TNFRSF10A: variants seen among roughly 807,000 people sequenced by gnomAD.
TNFRSF10A encodes the protein TNF receptor superfamily member 10a.
TNFRSF10A carries 44 observed loss-of-function variants against 42.8 expected under a neutral mutation model. The observed-to-expected ratio is 1.03, with a 90% CI of 0.81 to 1.32. TNFRSF10A has a LOEUF of 1.32. Ranked by LOEUF, TNFRSF10A falls within the 40% of genes most tolerant of loss-of-function variation. TNFRSF10A has a pLI of 0.00. For missense variants in TNFRSF10A, 680 were observed against 602.0 expected, an observed-to-expected ratio of 1.13 and a Z score of -1.36; for synonymous variants, 259 against 234.2, an observed-to-expected ratio of 1.11 and a Z score of -0.97.
rs1052728467 is a variant in TNFRSF10A at position 23,195,361 on chromosome 8, A to G, written c.1087+1771T>C. On this transcript the variant is annotated intron_variant, in intron 9 of 9. Coordinates refer to ENST00000221132, the MANE Select transcript of TNFRSF10A (RefSeq NM_003844.4). ...AACTTTTTTCTTCTTTGCTATTTAT[A>G]GCCTTTAAGTATACTTTAAGTATAT... Among the ~76,000 whole-genome samples the G allele has an allele frequency of 4.6e-5, 7 of 152,256 alleles. No individual in the cohort carries two copies. The East Asian group carries it at 1.2e-3, about 25-fold the overall frequency.
intron 5 of TNFRSF10A, 35 bp from the exon 6 acceptor site, chr8:23,200,635 C>A (rs1258671747): frequency 1.9e-6 from 3 of 1,614,010 alleles, no homozygotes; most frequent in Non-Finnish European, 2.5e-6. Context: ...GAGTCTCGGG[C>A]TGCTGGTCCC....
rs899479252 is a variant in TNFRSF10A at position 23,220,471 on chromosome 8, C to T, written c.306+4285G>A. On this transcript the variant is annotated intron_variant, in intron 1 of 9. Transcript: ENST00000221132. ...GAGGCTGAAGACTGCCAGGGTTGGC[C>T]GTGCTCCTCTTCAGCTGTGACTCTG... 3.9e-5 allele frequency among the ~76,000 whole-genome samples: 6 copies of T among 152,336 alleles called. No individual in the cohort carries two copies. The East Asian group carries it at 5.8e-4, about 15-fold the overall frequency.
chr8:23,212,278 C>A, intron 1 of TNFRSF10A, 66 bp from the exon 2 acceptor site: 1 of 1,372,202 alleles, frequency 7.3e-7, no homozygotes, highest in South Asian at 1.2e-5. Flanking sequence ...AGATCAATCT[C>A]ACATTCCATT....
intron 2 of TNFRSF10A, among the ~76,000 whole-genome samples, chr8:23,204,387 T>A (rs577298283): frequency 1.7e-4 from 26 of 152,170 alleles, no homozygotes; most frequent in Non-Finnish European, 3.5e-4. Context: ...GAAAACTGCA[T>A]GGAAGAAATC....
intron 1 of TNFRSF10A, among the ~76,000 whole-genome samples, chr8:23,222,620 G>GA (rs1181563806): frequency 6.6e-6 from 1 of 152,220 alleles, no homozygotes; most frequent in African/African-American, 2.4e-5. Context: ...GGTGGGATGA[G>GA]AGGGTCCTGT....
intron 3 of TNFRSF10A, 37 bp from the exon 4 acceptor site, chr8:23,201,956 C>A (rs779266121): frequency 1.3e-6 from 2 of 1,587,760 alleles, no homozygotes; most frequent in Non-Finnish European, 1.7e-6. Context: ...AATGTGTTTC[C>A]CTGACGTGTC....
intron 2 of TNFRSF10A, 146 bp downstream of exon 2, chr8:23,211,970 T>C (rs1362317981): frequency 1.1e-5 from 7 of 655,316 alleles, no homozygotes; most frequent in East Asian, 1.0e-4. Context: ...ATCTGTTGAA[T>C]AGAAGAACCA....
At chr8:23,211,342 C>T (rs1801089353) in intron 2 of TNFRSF10A, among the ~76,000 whole-genome samples, 1 of 152,080 alleles carries the variant, frequency 6.6e-6, no homozygotes, top group Non-Finnish European at 1.5e-5. Flanking sequence ...ATAAGTTTAA[C>T]AAAATCAACC....
intron 2 of TNFRSF10A, among the ~76,000 whole-genome samples, chr8:23,204,697 A>T (rs948949223): frequency 3.9e-5 from 6 of 152,206 alleles, no homozygotes; most frequent in Non-Finnish European, 7.3e-5. Context: ...GAGATAATAC[A>T]AAATACACTC....
chr8:23,225,092 T>TTGG lies in TNFRSF10A; in HGVS notation c.-34_-32dup. 6.8e-7 allele frequency: 1 copy of TTGG among 1,480,384 alleles called. No homozygotes were observed. The highest frequency in any genetic ancestry group is 8.9e-7 in the Non-Finnish European group (1 of 1,117,704). 91.7% of individuals were successfully genotyped at this position (1,480,384 alleles called of 1,614,324 possible). ...CAGGTCAATCCAAGAAGCAGCGTGC[T>TTGG]TGGCTATGACAAGACAGAACTTCGC... On this transcript the variant is annotated 5_prime_UTR_variant, in exon 1 of 10. Transcript: ENST00000221132.
At chr8:23,195,400 G>A (rs918083263) in intron 9 of TNFRSF10A, among the ~76,000 whole-genome samples, 1 of 152,020 alleles carries the variant, frequency 6.6e-6, no homozygotes, top group Non-Finnish European at 1.5e-5. Context: ...GTATACTTTT[G>A]TAAACAGAAT....
rs183853683 is a variant in TNFRSF10A at position 23,207,402 on chromosome 8, T to C, written c.404-4641A>G. ...CCAGCTGGCTAATTCTAAATACATG[T>C]ATATGTTTTCACCAGAAAAACAAAG... On this transcript the variant is annotated intron_variant, in intron 2 of 9. Transcript: ENST00000221132. 9.5e-4 allele frequency: 500 copies of C among 529,092 alleles called. 4 individuals are homozygous for C. Among genetic ancestry groups the C allele is most frequent in the Non-Finnish European group, 3.4e-4 (92 of 274,226 alleles). 32.8% of individuals were successfully genotyped at this position (529,092 alleles called of 1,614,324 possible). A position where few individuals can be genotyped will look rare whatever the true frequency, so the allele number is the denominator to read the frequency against.
rs201183086 is a variant in TNFRSF10A at position 23,197,115 on chromosome 8, A to G, written c.1087+17T>C. 6.2e-7 allele frequency: 1 copy of G among 1,614,092 alleles called. No individual in the cohort carries two copies. The highest frequency in any genetic ancestry group is 8.5e-7 in the Non-Finnish European group (1 of 1,179,948). On this transcript the variant is annotated intron_variant, in intron 9 of 9. Coordinates refer to ENST00000221132, the MANE Select transcript of TNFRSF10A (RefSeq NM_003844.4). ...TTCCCACCATTTCTGCTGCATCTCCAGGAGCAAAACACTTACTCTCAGTGG... is the reference window on the plus strand; with the variant it reads ...TTCCCACCATTTCTGCTGCATCTCCGGGAGCAAAACACTTACTCTCAGTGG...
intron 1 of TNFRSF10A, among the ~76,000 whole-genome samples, chr8:23,218,119 G>A (rs1801209961): frequency 6.6e-6 from 1 of 152,158 alleles, no homozygotes; most frequent in Non-Finnish European, 1.5e-5. Flanking sequence ...TCAGTTCACA[G>A]ATTTGGGCTC....
At chr8:23,199,799 CG>C in intron 7 of TNFRSF10A, 86 bp downstream of exon 7, 1 of 1,588,402 alleles carries the variant, frequency 6.3e-7, no homozygotes, top group Non-Finnish European at 8.6e-7. Context: ...CATGAGAGCA[CG>C]GGGACCCACC....
In TNFRSF10A at chr8:23,202,754, A is replaced by AAG. The variant is rs1800951324; in HGVS notation, c.410_411insCT (p.Arg138LeufsTer106). 1 of 1,610,198 alleles carries AAG rather than the reference A, an allele frequency of 6.2e-7. No individual in the cohort carries two copies. The highest frequency in any genetic ancestry group is 1.1e-5 in the South Asian group (1 of 90,962). On this transcript the variant is annotated frameshift_variant, in exon 3 of 10. Transcript: ENST00000221132. LOFTEE classifies it high-confidence loss of function. ...TACAGGCTCCAGGATGTTCTGATCT[A>AAG]TGAGATCCTGGGAAGGGAGAGAAAA...
chr8:23,208,983 T>C (rs1330291716), intron 2 of TNFRSF10A, among the ~76,000 whole-genome samples: 1 of 152,170 alleles, frequency 6.6e-6, no homozygotes, highest in Admixed American at 6.5e-5. Context: ...CCCGAAGGCC[T>C]AGGAGAAAAT....
chr8:23,202,709 C>G lies in TNFRSF10A; in HGVS notation c.456G>C (p.Val152=). ...PGACNRCTEG[V]GYTNASNNLF... ...AATTGTTGGAAGCATTGGTGTAACC[C>G]ACACCCTCTGTGCACCGGTTACAGG... Residue 152 remains valine (V), a synonymous_variant, in exon 3 of 10, where the codon GTG becomes GTC. Coordinates refer to ENST00000221132, the MANE Select transcript of TNFRSF10A (RefSeq NM_003844.4). 6.2e-7 allele frequency: 1 copy of G among 1,614,034 alleles called. No individual in the cohort carries two copies. Among genetic ancestry groups the G allele is most frequent in the South Asian group, 1.1e-5 (1 of 91,074 alleles).
chr8:23,203,359 C>T (rs1161854214), intron 2 of TNFRSF10A, among the ~76,000 whole-genome samples: 1 of 152,166 alleles, frequency 6.6e-6, no homozygotes, highest in East Asian at 1.9e-4. Flanking sequence ...AGATACAGCC[C>T]ATGCCACCTG....
Sources: gnomAD v4.1 joint callset for allele counts (sites outside exome capture counted in the v4.1 genomes callset) on GRCh38, gnomAD v4.1.1 for gene constraint, MANE v1.5 for transcripts, NCBI Gene and HGNC (gene_info 2026-07-23, HGNC 2026-07-21) for gene names.